Variants in PIK3C3 observed in about 807,000 individuals in gnomAD.
PIK3C3 encodes PI3-kinase type 3.
PIK3C3 carries 95 observed loss-of-function variants against 126.1 expected under a neutral mutation model. The ratio of observed to expected loss-of-function variants is 0.75; its 90% CI spans 0.64 to 0.89. The LOEUF (loss-of-function observed/expected upper bound fraction) is 0.89. Among genes scored for constraint, PIK3C3 ranks in the 40% least tolerant of loss-of-function variants. The pLI is 0.00. For synonymous variants in PIK3C3, 374 were observed against 360.0 expected (o/e 1.04, Z -0.44); for missense variants, 829 against 1,063.2 (o/e 0.78, Z 3.06).
rs1391618225 is a variant in PIK3C3, at chr18:42,057,832, C to G, written c.2264-51C>G. On this transcript the variant is annotated intron_variant, in intron 21 of 24. Transcript: ENST00000262039. ...TCAATTGTGTGACATATCACCTACC[C>G]AGTTCTTTAAGATAATTCTGGAAAC... 7 of 1,520,618 alleles carry G rather than the reference C, an allele frequency of 4.6e-6. No homozygotes were observed. The East Asian group carries it at 1.6e-4, about 34-fold the overall frequency. The allele number at this position is 1,520,618 out of a possible 1,614,324, so 94.2% of individuals were successfully genotyped here.
chr18:42,060,022 A>C (rs1182754365), intron 22 of PIK3C3: 2 of 152,020 alleles, frequency 1.3e-5, no homozygotes, highest in Non-Finnish European at 2.9e-5. Flanking sequence ...CTGTCTGCCC[A>C]CCTTGGCCTC....
At chr18:41,991,900 A>G (rs1436993923) in intron 6 of PIK3C3, among the ~76,000 whole-genome samples, 1 of 152,164 alleles carries the variant, frequency 6.6e-6, no homozygotes, top group African/African-American at 2.4e-5. Flanking sequence ...TCACCAGTGC[A>G]TTTTAATAAA....
chr18:42,058,001 G>T lies in PIK3C3; in HGVS notation c.2382G>T (p.Gln794His). Reference protein sequence around the residue: ...VEGMGGTQSEQYQEFRKQCYT... With the variant: ...VEGMGGTQSEHYQEFRKQCYT... ...GAATGGGGGGCACACAGAGTGAGCA[G>T]TACCAAGAGTTCCGTAAACAGTGTT... The change falls in exon 22 of 25, where the codon CAG (glutamine) becomes CAT (histidine). Residue 794 changes from glutamine to histidine, a missense_variant. Physicochemically the swap from Gln to His is conservative, Grantham distance 24. Coordinates refer to ENST00000262039, the MANE Select transcript of PIK3C3 (RefSeq NM_002647.4). 6.2e-7 allele frequency: 1 copy of T among 1,612,806 alleles called. No homozygotes were observed. The highest frequency in any genetic ancestry group is 8.5e-7 in the Non-Finnish European group (1 of 1,179,486).
intron 24 of PIK3C3, among the ~76,000 whole-genome samples, chr18:42,073,439 C>T (rs960900162): frequency 6.6e-6 from 1 of 152,168 alleles, no homozygotes; most frequent in African/African-American, 2.4e-5. Flanking sequence ...CTAAAGAATA[C>T]CTGTCCTCTA....
At chr18:42,037,668 G>T (rs560156238) in intron 16 of PIK3C3, 24 bp from the exon 17 acceptor site, 2 of 1,592,604 alleles carry the variant, frequency 1.3e-6, no homozygotes, top group Non-Finnish European at 1.7e-6. Context: ...GGCCAAATTT[G>T]AAATCAATAT....
intron 4 of PIK3C3, among the ~76,000 whole-genome samples, chr18:41,979,542 A>G (rs1048939182): frequency 2.0e-5 from 3 of 152,242 alleles, no homozygotes; most frequent in African/African-American, 4.8e-5. Context: ...ATGAATTTCT[A>G]AACCTGTACC....
chr18:42,046,154 C>G (rs1012448998), intron 20 of PIK3C3, among the ~76,000 whole-genome samples: 11 of 152,104 alleles, frequency 7.2e-5, no homozygotes, highest in Non-Finnish European at 1.3e-4. Context: ...TATCTCTCCC[C>G]TTTTTTCCAA....
chr18:41,983,496 G>A (rs190180562), intron 4 of PIK3C3, among the ~76,000 whole-genome samples: 126 of 152,088 alleles, frequency 8.3e-4, no homozygotes, highest in African/African-American at 2.7e-3. Flanking sequence ...CACATAGAAA[G>A]CCTTTCAATA....
intron 19 of PIK3C3, among the ~76,000 whole-genome samples, chr18:42,042,529 A>G (rs1035812146): frequency 6.6e-6 from 1 of 152,150 alleles, no homozygotes; most frequent in Admixed American, 6.6e-5. Context: ...TTACTCCAGG[A>G]TTGTTTTGAA....
In PIK3C3 at chr18:42,084,259, G is replaced by A. The variant is rs535395558; in HGVS notation, c.*3122G>A. ...ATAAACCAGATTGAGATTCTAAGGA[G>A]CATTTTGTAAGTAATTACTAATGTT... is the stretch of plus-strand genomic sequence containing the variant. On this transcript the variant is annotated 3_prime_UTR_variant, in exon 25 of 25. Coordinates refer to ENST00000262039, the MANE Select transcript of PIK3C3 (RefSeq NM_002647.4). The A allele has an allele frequency of 7.2e-5, 11 of 152,224 alleles. No individual in the cohort carries two copies. The highest frequency in any genetic ancestry group is 1.3e-4 in the Non-Finnish European group (9 of 68,020). 9.4% of individuals were successfully genotyped at this position (152,224 alleles called of 1,614,324 possible). A position where few individuals can be genotyped will look rare whatever the true frequency, so the allele number is the denominator to read the frequency against.
rs373137691 is a variant in PIK3C3 at position 41,999,185 on chromosome 18, A to G, written c.984+2455A>G. On this transcript the variant is annotated intron_variant, in intron 9 of 24. Transcript: ENST00000262039. The stretch of plus-strand genomic sequence containing the variant: ...TTCAATTAAATTTGTTACCATTTAA[A>G]TTTATGAAGTATTTTCAAATTCACA... 2.2e-3 allele frequency among the ~76,000 whole-genome samples: 336 copies of G among 152,192 alleles called. 1 individual carries two copies. The highest frequency in any genetic ancestry group is 7.5e-3 in the African/African-American group (310 of 41,516).
chr18:42,005,495 G>A (rs1046797355), intron 10 of PIK3C3, among the ~76,000 whole-genome samples: 4 of 152,098 alleles, frequency 2.6e-5, no homozygotes, highest in Non-Finnish European at 4.4e-5. Context: ...TGGATTTTGG[G>A]CTTTAATAAT....
intron 24 of PIK3C3, among the ~76,000 whole-genome samples, chr18:42,072,760 T>G (rs1985829117): frequency 2.0e-5 from 3 of 152,160 alleles, no homozygotes; most frequent in Non-Finnish European, 2.9e-5. Context: ...GTTCTCAAAC[T>G]CCTGGCCTCA....
At chr18:42,002,971 G>C (rs926389485) in intron 9 of PIK3C3, among the ~76,000 whole-genome samples, 2 of 152,206 alleles carry the variant, frequency 1.3e-5, no homozygotes, top group Admixed American at 6.5e-5. Context: ...CGCCTTAATG[G>C]TAAGGAAGCA....
chr18:41,995,941 G>A lies in PIK3C3; in HGVS notation c.838G>A (p.Gly280Arg). 2 of 1,613,134 alleles carry A rather than the reference G, an allele frequency of 1.2e-6. No homozygotes were observed. The highest frequency in any genetic ancestry group is 1.7e-6 in the Non-Finnish European group (2 of 1,179,328). The change falls in exon 8 of 25, where the codon GGA (glycine) becomes AGA (arginine). Residue 280 changes from glycine to arginine, a missense_variant. Transcript: ENST00000262039. ...CAAGCTTGCCCGGAGTTTAAGAAGT[G>A]GACCTTCTGACCACGATCTGAAACC... ...HHKLARSLRS[G>R]PSDHDLKPNA...
chr18:42,083,710 A>T lies in PIK3C3; in HGVS notation c.*2573A>T, dbSNP rs897045484. 1 of 152,126 alleles carries T rather than the reference A, an allele frequency of 6.6e-6. No individual in the cohort carries two copies. The highest frequency in any genetic ancestry group is 2.1e-4 in the South Asian group (1 of 4,820). The allele number at this position is 152,126 out of a possible 1,614,324, so 9.4% of individuals were successfully genotyped here. A position where few individuals can be genotyped will look rare whatever the true frequency, so the allele number is the denominator to read the frequency against. ...ATGCCTTATCTCATTATTCTGTGAG[A>T]TAGAATTGTCTCCTCATTTTTTAGT... is the stretch of plus-strand genomic sequence containing the variant. On this transcript the variant is annotated 3_prime_UTR_variant, in exon 25 of 25. Transcript: ENST00000262039.
In PIK3C3 at chr18:42,064,739, G is replaced by A; in HGVS notation, c.2433-1G>A. 6.7e-7 allele frequency: 1 copy of A among 1,500,778 alleles called. No homozygotes were observed. The highest frequency in any genetic ancestry group is 9.3e-7 in the Non-Finnish European group (1 of 1,078,388). 93.0% of individuals were successfully genotyped at this position (1,500,778 alleles called of 1,614,324 possible). A position where few individuals can be genotyped will look rare whatever the true frequency, so the allele number is the denominator to read the frequency against. ...TTTTTTTCTTTTCTGCTCTTCTTTAGGTATTCTAATCTGATTTTGAACTTG... is the reference window on the plus strand; with the variant it reads ...TTTTTTTCTTTTCTGCTCTTCTTTAAGTATTCTAATCTGATTTTGAACTTG... On this transcript the variant is annotated splice_acceptor_variant, in intron 22 of 24. Coordinates refer to ENST00000262039, the MANE Select transcript of PIK3C3 (RefSeq NM_002647.4). LOFTEE classifies it high-confidence loss of function.
chr18:42,022,499 A>T (rs1983373588), intron 13 of PIK3C3, among the ~76,000 whole-genome samples: 1 of 152,178 alleles, frequency 6.6e-6, no homozygotes, highest in Non-Finnish European at 1.5e-5. Flanking sequence ...TTTAACACAC[A>T]CAATTTTTGA....
intron 24 of PIK3C3, among the ~76,000 whole-genome samples, chr18:42,076,133 T>TATATGCACATATATATATGCAC (rs1555643383): frequency 1.1e-5 from 1 of 91,854 alleles, no homozygotes; most frequent in African/African-American, 6.4e-5. Flanking sequence ...CGCATATATA[T>TATATGCACATATATATATGCAC]ATATATATAT....
Sources: allele counts gnomAD v4.1 joint callset (sites outside exome capture counted in the v4.1 genomes callset), GRCh38; gene constraint gnomAD v4.1.1; transcripts MANE v1.5; gene names NCBI Gene and HGNC (gene_info 2026-07-23, HGNC 2026-07-21).